The following MMS22L variants were observed in gnomAD, a reference collection of about 807,000 sequenced individuals.
The protein encoded by MMS22L is protein MMS22-like.
Under a neutral mutation model 159.1 loss-of-function variants are expected in MMS22L, and 74 were observed. The ratio of observed to expected loss-of-function variants is 0.47; its 90% CI spans 0.39 to 0.56. The LOEUF is 0.56. Ranked by LOEUF, MMS22L falls within the 20% of genes least tolerant of loss-of-function variation. MMS22L has a pLI of 0.00. For missense variants in MMS22L, 1,351 were observed against 1,422.1 expected (o/e 0.95, Z 0.80); for synonymous variants, 517 against 506.9 (o/e 1.02, Z -0.27).
At position 97,231,420 on chromosome 6, in the gene MMS22L, A is replaced by G. The variant is rs1307324974; in HGVS notation, c.1529+6T>C. On this transcript the variant is annotated splice_donor_region_variant and intron_variant, in intron 13 of 24. Coordinates refer to ENST00000683635, the MANE Select transcript of MMS22L (RefSeq NM_001350599.2). Reference sequence around the variant, plus strand: ...GCACACTCATGACAGAAGATACTGCATATACCTTCCTTTGACTTGTTTCCA... The same window carrying G: ...GCACACTCATGACAGAAGATACTGCGTATACCTTCCTTTGACTTGTTTCCA... The G allele has an allele frequency of 3.1e-6, 5 of 1,598,982 alleles. No homozygotes were observed. In the East Asian group the frequency reaches 1.1e-4, roughly 36 times the overall value.
chr6:97,270,560 TTATCAA>T (rs1401570666), intron 6 of MMS22L: 2 of 207,460 alleles, frequency 9.6e-6, no homozygotes, highest in African/African-American at 4.7e-5. Flanking sequence ...TTATACTGGG[TTATCAA>T]TAACCTTCCT....
intron 22 of MMS22L, 91 bp from the exon 23 acceptor site, chr6:97,151,958 G>T: frequency 2.1e-6 from 2 of 942,266 alleles, no homozygotes; most frequent in Non-Finnish European, 3.3e-6. Context: ...AGAAAAATAT[G>T]TTGTTTTCTT....
At chr6:97,165,178 G>T in intron 21 of MMS22L, 68 bp downstream of exon 21, 3 of 1,414,088 alleles carry the variant, frequency 2.1e-6, no homozygotes, top group Non-Finnish European at 2.0e-6. Context: ...TGTTTGAAAT[G>T]CCACTTTATC....
chr6:97,180,455 T>A (rs1282867316), intron 16 of MMS22L, among the ~76,000 whole-genome samples: 3 of 152,092 alleles, frequency 2.0e-5, no homozygotes, highest in African/African-American at 7.2e-5. Context: ...ATGGGGATGG[T>A]CTTAACCTAA....
At chr6:97,230,075 C>T (rs1467114933) in intron 13 of MMS22L, among the ~76,000 whole-genome samples, 1 of 151,934 alleles carries the variant, frequency 6.6e-6, no homozygotes, top group Non-Finnish European at 1.5e-5. Context: ...TTCCTACTTA[C>T]GAATTAAGTT....
chr6:97,217,672 A>G (rs1222601619), intron 14 of MMS22L, among the ~76,000 whole-genome samples: 1 of 152,240 alleles, frequency 6.6e-6, no homozygotes, highest in Non-Finnish European at 1.5e-5. Context: ...AATCAGGGGC[A>G]TAGCAAATAA....
intron 3 of MMS22L, among the ~76,000 whole-genome samples, chr6:97,280,912 C>T (rs554192319): frequency 6.6e-6 from 1 of 152,140 alleles, no homozygotes; most frequent in South Asian, 2.1e-4. Flanking sequence ...TTTGTTAAGA[C>T]CATACTCTAA....
intron 4 of MMS22L, among the ~76,000 whole-genome samples, chr6:97,276,906 T>C (rs1215290000): frequency 6.6e-6 from 1 of 152,170 alleles, no homozygotes; most frequent in Non-Finnish European, 1.5e-5. Context: ...AACTGCAAAC[T>C]CATCAGCAGC....
At chr6:97,157,703 C>T (rs1347865030) in intron 22 of MMS22L, among the ~76,000 whole-genome samples, 1 of 152,158 alleles carries the variant, frequency 6.6e-6, no homozygotes, top group Non-Finnish European at 1.5e-5. Flanking sequence ...TTTTGATGTG[C>T]TGCTGGCTTC....
intron 9 of MMS22L, among the ~76,000 whole-genome samples, chr6:97,262,825 T>C (rs989059957): frequency 6.6e-6 from 1 of 152,320 alleles, no homozygotes; most frequent in Non-Finnish European, 1.5e-5. Context: ...GATACTTCTC[T>C]TTTTCAATAA....
chr6:97,266,421 C>T (rs902629245), intron 8 of MMS22L: 1 of 152,174 alleles, frequency 6.6e-6, no homozygotes, highest in Non-Finnish European at 1.5e-5. Flanking sequence ...ACCAAATTGT[C>T]CATCAACAGA....
Position 97,235,257 on chromosome 6 carries a change from T to C in MMS22L, c.1183-1277A>G, listed in dbSNP as rs1289506457. Among the ~76,000 whole-genome samples, 23 of 152,160 alleles carry C rather than the reference T, an allele frequency of 1.5e-4. 1 individual carries two copies. The highest frequency in any genetic ancestry group is 1.5e-3 in the Admixed American group (23 of 15,272). ...ATGAAAGAAAGAAGTTTCAGGTTTT[T>C]GCATAAGGAAATAGGTCAATGGTGC... On this transcript the variant is annotated intron_variant, in intron 11 of 24. Coordinates refer to ENST00000683635, the MANE Select transcript of MMS22L (RefSeq NM_001350599.2).
Position 97,243,744 on chromosome 6 carries a change from C to G in MMS22L, c.1182+2884G>C, listed in dbSNP as rs1812330158. On this transcript the variant is annotated intron_variant, in intron 11 of 24. Coordinates refer to ENST00000683635, the MANE Select transcript of MMS22L (RefSeq NM_001350599.2). ...AGAGGAAAGATCTGAGATCCAAGGACTAATGTTCTTTTGTACTGCAGGGTG... is the reference window on the plus strand; with the variant it reads ...AGAGGAAAGATCTGAGATCCAAGGAGTAATGTTCTTTTGTACTGCAGGGTG... Among the ~76,000 whole-genome samples the G allele has an allele frequency of 2.6e-5, 4 of 152,120 alleles. No homozygotes were observed. In the South Asian group the frequency reaches 8.3e-4, roughly 31 times the overall value.
intron 10 of MMS22L, among the ~76,000 whole-genome samples, chr6:97,248,183 G>A (rs1812872771): frequency 1.3e-5 from 2 of 152,310 alleles, no homozygotes; most frequent in African/African-American, 4.8e-5. Context: ...ACTTGATCTG[G>A]AAACAGCTAT....
At chr6:97,268,403 T>A (rs1035462719) in intron 7 of MMS22L, among the ~76,000 whole-genome samples, 3 of 152,120 alleles carry the variant, frequency 2.0e-5, no homozygotes, top group Non-Finnish European at 4.4e-5. Context: ...TTAGCCAGGA[T>A]GGTCTCAATC....
chr6:97,245,038 C>A (rs1320688488), intron 11 of MMS22L, among the ~76,000 whole-genome samples: 1 of 152,100 alleles, frequency 6.6e-6, no homozygotes, highest in Non-Finnish European at 1.5e-5. Context: ...CAGTCTCACT[C>A]CCGCTATGCT....
At chr6:97,186,764 C>A (rs1805288393) in intron 14 of MMS22L, 74 bp from the exon 15 acceptor site, 1 of 1,136,232 alleles carries the variant, frequency 8.8e-7, no homozygotes, top group South Asian at 2.2e-5. Flanking sequence ...ACATTTTGAG[C>A]TTTTTCCATT....
intron 22 of MMS22L, among the ~76,000 whole-genome samples, chr6:97,154,025 G>A (rs954382105): frequency 6.6e-6 from 1 of 151,952 alleles, no homozygotes; most frequent in South Asian, 2.1e-4. Context: ...ATATTTAACC[G>A]CTTGAGGAAC....
At chr6:97,250,823 A>C (rs1213861809) in intron 10 of MMS22L, among the ~76,000 whole-genome samples, 3 of 152,212 alleles carry the variant, frequency 2.0e-5, no homozygotes, top group African/African-American at 7.2e-5. Flanking sequence ...ACAAGATTAT[A>C]GATATTTCTC....
Sources: allele counts gnomAD v4.1 joint callset (sites outside exome capture counted in the v4.1 genomes callset), GRCh38; gene constraint gnomAD v4.1.1; transcripts MANE v1.5; gene names NCBI Gene and HGNC (gene_info 2026-07-23, HGNC 2026-07-21).